The following WWTR1 variants were observed in gnomAD, a reference collection of about 807,000 sequenced individuals.
The protein encoded by WWTR1 is WW domain-containing transcription regulator protein 1.
In WWTR1, 13 loss-of-function variants were observed where a neutral mutation model predicts 40.1. That is an observed-to-expected ratio of 0.32 (90% CI 0.21 to 0.52). The LOEUF is 0.52. Ranked by LOEUF, WWTR1 falls within the 20% of genes least tolerant of loss-of-function variation. The pLI, the probability that WWTR1 is intolerant of heterozygous loss-of-function variation, is 0.97. For missense variants in WWTR1, 436 were observed against 523.1 expected (o/e 0.83, Z 1.63); for synonymous variants, 230 against 210.1 (o/e 1.09, Z -0.82).
chr3:149,720,822 T>C (rs1715742402), intron 4 of WWTR1, among the ~76,000 whole-genome samples: 2 of 152,192 alleles, frequency 1.3e-5, no homozygotes, highest in Admixed American at 6.5e-5. Context: ...TTACAGTACA[T>C]AGATTTTTTA....
rs566033795 is a variant in WWTR1, at chr3:149,619,371, A to G, written c.431+37505T>C. ...ATTAGTGACTCACACCTGTAATCAC[A>G]ACACTTTGAGACGCCAAGGTGAGAG... On this transcript the variant is annotated intron_variant, in intron 2 of 6. Transcript: ENST00000360632. Among the ~76,000 whole-genome samples, 529 of 152,314 alleles carry G rather than the reference A, an allele frequency of 3.5e-3. 3 individuals are homozygous for G. Among genetic ancestry groups the G allele is most frequent in the African/African-American group, 0.012 (500 of 41,570 alleles).
chr3:149,689,882 A>T (rs962047339), intron 1 of WWTR1, among the ~76,000 whole-genome samples: 1 of 152,192 alleles, frequency 6.6e-6, no homozygotes. Flanking sequence ...AAAGAGATGA[A>T]CCTATCAAAA....
chr3:149,610,003 A>T (rs1204993776), intron 2 of WWTR1, among the ~76,000 whole-genome samples: 1 of 152,218 alleles, frequency 6.6e-6, no homozygotes, highest in Non-Finnish European at 1.5e-5. Context: ...ACATTAATTC[A>T]CTTTTACAAT....
intron 3 of WWTR1, among the ~76,000 whole-genome samples, chr3:149,557,596 G>A (rs1379509404): frequency 1.3e-5 from 2 of 152,088 alleles, no homozygotes; most frequent in African/African-American, 2.4e-5. Context: ...AAATCTGTAG[G>A]TACCTCTAGC....
intron 3 of WWTR1, among the ~76,000 whole-genome samples, chr3:149,557,859 C>A (rs1020748253): frequency 6.6e-6 from 1 of 151,792 alleles, no homozygotes; most frequent in Non-Finnish European, 1.5e-5. Flanking sequence ...AAAAATTAGA[C>A]AAGCGTGGCG....
chr3:149,654,595 G>A (rs1560105288), intron 2 of WWTR1, among the ~76,000 whole-genome samples: 1 of 152,152 alleles, frequency 6.6e-6, no homozygotes, highest in Admixed American at 6.5e-5. Flanking sequence ...CTAAATCCAA[G>A]GCTAACTTCC....
At chr3:149,563,044 G>A (rs1313317771) in intron 3 of WWTR1, among the ~76,000 whole-genome samples, 1 of 152,080 alleles carries the variant, frequency 6.6e-6, no homozygotes, top group African/African-American at 2.4e-5. Flanking sequence ...CCTTAACTGG[G>A]TGAAATTCTC....
intron 1 of WWTR1, chr3:149,702,271 G>A (rs1715201657): frequency 6.6e-6 from 1 of 152,156 alleles, no homozygotes. Context: ...TATGAAATGT[G>A]CCCTACATTA....
chr3:149,610,564 G>A (rs922438008), intron 2 of WWTR1, among the ~76,000 whole-genome samples: 3 of 152,174 alleles, frequency 2.0e-5, no homozygotes. Context: ...TCTTTGAGTT[G>A]TAAATAGTAG....
At chr3:149,722,593 T>C (rs1715778960) in intron 4 of WWTR1, among the ~76,000 whole-genome samples, 1 of 152,152 alleles carries the variant, frequency 6.6e-6, no homozygotes, top group African/African-American at 2.4e-5. Flanking sequence ...TTTTTGATCA[T>C]CATTTCTTCA....
At chr3:149,662,701 T>TA (rs1713637460), upstream of WWTR1, among the ~76,000 whole-genome samples, 1 of 152,190 alleles carries the variant, frequency 6.6e-6, no homozygotes, top group South Asian at 2.1e-4. Flanking sequence ...AAGTTTTTTT[T>TA]AACAACTGTT....
In WWTR1 at chr3:149,588,616, T is replaced by C. The variant is rs113707138; in HGVS notation, c.432-15616A>G. ...GTGAACATAATCCCGTTTTGGTAAA[T>C]AGAACACATATGAACAAGGGGGAAG... On this transcript the variant is annotated intron_variant, in intron 2 of 6. Transcript: ENST00000360632. 5.9e-5 allele frequency among the ~76,000 whole-genome samples: 9 copies of C among 152,244 alleles called. 1 individual carries two copies. Among genetic ancestry groups the C allele is most frequent in the African/African-American group, 2.2e-4 (9 of 41,562 alleles).
intron 1 of WWTR1, among the ~76,000 whole-genome samples, chr3:149,694,549 A>T (rs926317783): frequency 1.3e-5 from 2 of 152,210 alleles, no homozygotes; most frequent in Non-Finnish European, 2.9e-5. Context: ...AGACATACAA[A>T]TGGCAAGCAG....
chr3:149,664,756 T>C (rs901317343), intron 2 of WWTR1, among the ~76,000 whole-genome samples: 3 of 151,886 alleles, frequency 2.0e-5, no homozygotes, highest in Admixed American at 1.3e-4. Flanking sequence ...GCCTGGCTGA[T>C]TTTGTATTTT....
chr3:149,701,830 T>C (rs553855244), intron 1 of WWTR1: 19 of 177,308 alleles, frequency 1.1e-4, no homozygotes, highest in Admixed American at 1.0e-3. Flanking sequence ...GAGGCGGTCC[T>C]GAGCAGGGGA....
At chr3:149,543,455 G>C (rs1241563826) in intron 3 of WWTR1, among the ~76,000 whole-genome samples, 1 of 151,574 alleles carries the variant, frequency 6.6e-6, no homozygotes, top group Non-Finnish European at 1.5e-5. Flanking sequence ...GATGGTGCAT[G>C]CGTGTAGTCC....
chr3:149,694,023 G>T (rs373101346), intron 1 of WWTR1, among the ~76,000 whole-genome samples: 1 of 152,162 alleles, frequency 6.6e-6, no homozygotes, highest in South Asian at 2.1e-4. Flanking sequence ...AAAGCTTTTG[G>T]ACAGCAAAGG....
At chr3:149,721,811 A>T (rs1715764473) in intron 4 of WWTR1, among the ~76,000 whole-genome samples, 1 of 152,136 alleles carries the variant, frequency 6.6e-6, no homozygotes, top group African/African-American at 2.4e-5. Context: ...CGATCCTGTC[A>T]CTGCAGCTTC....
intron 4 of WWTR1, among the ~76,000 whole-genome samples, chr3:149,531,638 C>T (rs990925000): frequency 6.6e-6 from 1 of 152,120 alleles, no homozygotes; most frequent in Non-Finnish European, 1.5e-5. Flanking sequence ...TCACTTAACG[C>T]CTGCCTCCTA....
Sources: gnomAD v4.1 joint callset for allele counts (sites outside exome capture counted in the v4.1 genomes callset) on GRCh38, gnomAD v4.1.1 for gene constraint, MANE v1.5 for transcripts, NCBI Gene and HGNC (gene_info 2026-07-23, HGNC 2026-07-21) for gene names.